SLC25A19: variants seen among roughly 807,000 people sequenced by gnomAD.
SLC25A19 encodes the protein solute carrier family 25 member 19.
SLC25A19 carries 18 observed loss-of-function variants against 27.9 expected under a neutral mutation model. That is an observed-to-expected ratio of 0.64 (90% confidence interval 0.45 to 0.96). SLC25A19 has a LOEUF of 0.96. Among genes scored for constraint, SLC25A19 ranks in the 40% least tolerant of loss-of-function variants. SLC25A19 has a pLI of 0.00. For missense variants in SLC25A19, 371 were observed against 418.3 expected, an observed-to-expected ratio of 0.89 and a Z score of 0.99; for synonymous variants, 169 against 167.1, an observed-to-expected ratio of 1.01 and a Z score of -0.09.
intron 5 of SLC25A19, among the ~76,000 whole-genome samples, chr17:75,279,758 T>C (rs904202968): frequency 3.3e-5 from 5 of 152,118 alleles, no homozygotes; most frequent in Admixed American, 6.6e-5. Context: ...CCGCCCGCCT[T>C]GGCCTCCCAA....
At chr17:75,287,914 C>T (rs1393412171) in intron 2 of SLC25A19, among the ~76,000 whole-genome samples, 4 of 152,102 alleles carry the variant, frequency 2.6e-5, no homozygotes, top group East Asian at 1.9e-4. Flanking sequence ...GAGGCCGAGG[C>T]GGGTGGATCG....
Position 75,286,531 on chromosome 17 carries a change from C to T in SLC25A19, c.133-72G>A. 6 of 1,613,328 alleles carry T rather than the reference C, an allele frequency of 3.7e-6. No individual in the cohort carries two copies. In the South Asian group the frequency reaches 6.6e-5, roughly 18 times the overall value. On this transcript the variant is annotated intron_variant, in intron 3 of 7. Coordinates refer to ENST00000416858, the MANE Select transcript of SLC25A19 (RefSeq NM_001126121.2). ...TGTGAAGGGGAACTTTCAGAAAAGG[C>T]AAGCCCTTCATCTGGATAGAATTCC...
chr17:75,275,691 A>G (rs1240617395), intron 7 of SLC25A19, among the ~76,000 whole-genome samples: 1 of 152,222 alleles, frequency 6.6e-6, no homozygotes, highest in African/African-American at 2.4e-5. Context: ...GTGGCGGCTC[A>G]TGCCTGTAAT....
chr17:75,274,544 C>T (rs904260613), intron 7 of SLC25A19, among the ~76,000 whole-genome samples: 6 of 152,210 alleles, frequency 3.9e-5, no homozygotes, highest in African/African-American at 1.4e-4. Context: ...CTCCCACGTG[C>T]CCTTCCCACC....
At chr17:75,276,882 A>C (rs1598179428) in intron 7 of SLC25A19, among the ~76,000 whole-genome samples, 3 of 140,200 alleles carry the variant, frequency 2.1e-5, no homozygotes, top group African/African-American at 2.7e-5. Context: ...ATGGGCTTTC[A>C]CCGTGTTATC....
In SLC25A19 at chr17:75,279,797, G is replaced by A. The variant is rs533064906; in HGVS notation, c.460-1462C>T. Among the ~76,000 whole-genome samples the A allele has an allele frequency of 9.8e-4, 149 of 152,228 alleles. 1 individual carries two copies. The South Asian group carries it at 0.013, about 13-fold the overall frequency. On this transcript the variant is annotated intron_variant, in intron 5 of 7. Coordinates refer to ENST00000416858, the MANE Select transcript of SLC25A19 (RefSeq NM_001126121.2). ...GCTGGGATTACAGGCGAGAGCCATC[G>A]CGCCCAGCCCAATTCTTTGTTTTTT...
Position 75,276,736 on chromosome 17 carries a change from G to A in SLC25A19, c.774+617C>T, listed in dbSNP as rs189790541. Among the ~76,000 whole-genome samples the A allele has an allele frequency of 2.5e-4, 37 of 147,882 alleles. 1 individual carries two copies. In the East Asian group the frequency reaches 4.2e-3, roughly 17 times the overall value. On this transcript the variant is annotated intron_variant, in intron 7 of 7. Coordinates refer to ENST00000416858, the MANE Select transcript of SLC25A19 (RefSeq NM_001126121.2). ...GTTGCCCAGGCTGGAGTGCAGTGGC[G>A]CAATCTCAGCTCACTGCAAACTCCA... is the stretch of plus-strand genomic sequence containing the variant.
intron 7 of SLC25A19, 103 bp downstream of exon 7, chr17:75,277,250 C>G: frequency 6.7e-7 from 1 of 1,488,180 alleles, no homozygotes; most frequent in East Asian, 2.3e-5. Context: ...GGGGCCATGG[C>G]CAGGGGTGAT....
At chr17:75,276,831 C>T (rs370692073) in intron 7 of SLC25A19, among the ~76,000 whole-genome samples, 62 of 134,024 alleles carry the variant, frequency 4.6e-4, no homozygotes, top group Admixed American at 1.5e-3. Flanking sequence ...CCCACCACCA[C>T]GCCCGGCTAA....
chr17:75,274,402 C>T (rs2145727709), intron 7 of SLC25A19, among the ~76,000 whole-genome samples: 1 of 152,250 alleles, frequency 6.6e-6, no homozygotes, highest in Middle Eastern at 3.4e-3. Flanking sequence ...TCAAGCCTGG[C>T]TTCCCTCCAA....
chr17:75,282,963 C>T (rs1250141495), intron 5 of SLC25A19, among the ~76,000 whole-genome samples: 2 of 151,576 alleles, frequency 1.3e-5, no homozygotes, highest in African/African-American at 2.4e-5. Flanking sequence ...GCACTCCAGC[C>T]TGGCAACAGA....
intron 5 of SLC25A19, among the ~76,000 whole-genome samples, chr17:75,279,202 A>T (rs1184493538): frequency 6.6e-6 from 1 of 151,958 alleles, no homozygotes; most frequent in Non-Finnish European, 1.5e-5. Context: ...CAAAGAAACA[A>T]CTATAAGTAG....
intron 5 of SLC25A19, among the ~76,000 whole-genome samples, chr17:75,281,288 A>G (rs2078033532): frequency 6.6e-6 from 1 of 152,190 alleles, no homozygotes; most frequent in South Asian, 2.1e-4. Flanking sequence ...ATGTCCAGGA[A>G]ACAGAGATCA....
intron 7 of SLC25A19, among the ~76,000 whole-genome samples, chr17:75,276,681 A>G (rs2077895801): frequency 7.0e-6 from 1 of 143,678 alleles, no homozygotes; most frequent in African/African-American, 2.5e-5. Context: ...GCCTCTGGAC[A>G]TATTTTTTTT....
intron 1 of SLC25A19, chr17:75,289,132 G>C (rs2078251849): frequency 6.6e-6 from 1 of 152,312 alleles, no homozygotes. Context: ...TTCTCCTTGA[G>C]TCCGAGGGGA....
Position 75,286,732 on chromosome 17 carries a change from C to G in SLC25A19, c.33G>C (p.Arg11Ser). 6.2e-7 allele frequency: 1 copy of G among 1,614,174 alleles called. No individual in the cohort carries two copies. Among genetic ancestry groups the G allele is most frequent in the Non-Finnish European group, 8.5e-7 (1 of 1,180,036 alleles). The change falls in exon 3 of 8, where the codon AGG (arginine) becomes AGC (serine). Residue 11 changes from arginine to serine, a missense_variant. Coordinates refer to ENST00000416858, the MANE Select transcript of SLC25A19 (RefSeq NM_001126121.2). ...CTGCCACCTGGAACTTGGTGTTATTCCTGCCATCTGGTTTGGGGTCATAGC... is the reference window on the plus strand; with the variant it reads ...CTGCCACCTGGAACTTGGTGTTATTGCTGCCATCTGGTTTGGGGTCATAGC... MVGYDPKPDG[R>S]NNTKFQVAVA...
intron 5 of SLC25A19, among the ~76,000 whole-genome samples, chr17:75,279,265 A>G (rs1418771394): frequency 2.0e-5 from 3 of 152,178 alleles, no homozygotes; most frequent in Non-Finnish European, 4.4e-5. Flanking sequence ...GGTATTTTTT[A>G]AAATTATAAT....
intron 7 of SLC25A19, among the ~76,000 whole-genome samples, chr17:75,276,427 G>T (rs1170003840): frequency 6.6e-6 from 1 of 152,138 alleles, no homozygotes; most frequent in African/African-American, 2.4e-5. Context: ...CAATGCAGTG[G>T]TGCAATCGTG....
Position 75,283,415 on chromosome 17 carries a change from C to A in SLC25A19, c.459+8G>T, listed in dbSNP as rs2078098789. 6.2e-7 allele frequency: 1 copy of A among 1,611,402 alleles called. No homozygotes were observed. The highest frequency in any genetic ancestry group is 1.3e-5 in the African/African-American group (1 of 74,882). ...TGGGCTTCCCCGGTCTGGCTCCTGG[C>A]CACTCACCTTGGGCTCACCCTGAGC... is the stretch of plus-strand genomic sequence containing the variant. On this transcript the variant is annotated splice_region_variant and intron_variant, in intron 5 of 7. Coordinates refer to ENST00000416858, the MANE Select transcript of SLC25A19 (RefSeq NM_001126121.2).
Sources: gnomAD v4.1 joint callset for allele counts (sites outside exome capture counted in the v4.1 genomes callset) on GRCh38, gnomAD v4.1.1 for gene constraint, MANE v1.5 for transcripts, NCBI Gene and HGNC (gene_info 2026-07-23, HGNC 2026-07-21) for gene names.